The following TMEM181 variants were observed in gnomAD, a reference collection of about 807,000 sequenced individuals.
TMEM181 encodes the protein G protein-coupled receptor 178.
TMEM181 carries 39 observed loss-of-function variants against 71.9 expected under a neutral mutation model. That is an observed-to-expected ratio of 0.54 (90% CI 0.42 to 0.71). TMEM181 has a LOEUF of 0.71. TMEM181 is among the 30% of genes least tolerant of loss of function. The pLI, the probability that TMEM181 is intolerant of heterozygous loss-of-function variation, is 0.00. For synonymous variants in TMEM181, 245 were observed against 228.8 expected, an observed-to-expected ratio of 1.07 and a Z score of -0.64; for missense variants, 595 against 583.0, an observed-to-expected ratio of 1.02 and a Z score of -0.21.
intron 14 of TMEM181, 112 bp from the exon 15 acceptor site, chr6:158,629,618 C>T (rs1281181523): frequency 4.7e-6 from 4 of 856,910 alleles, no homozygotes; most frequent in African/African-American, 1.7e-5. Context: ...CGGGCACTGG[C>T]GGGTGCTTGG....
chr6:158,627,091 A>C, intron 13 of TMEM181, among the ~76,000 whole-genome samples: 1 of 100,958 alleles, frequency 9.9e-6, no homozygotes, highest in Non-Finnish European at 2.0e-5. Context: ...CCTCACCCTC[A>C]CCCTCGTTTT....
At chr6:158,600,132 T>C (rs1012473547) in intron 6 of TMEM181, among the ~76,000 whole-genome samples, 1 of 152,166 alleles carries the variant, frequency 6.6e-6, no homozygotes, top group Non-Finnish European at 1.5e-5. Context: ...ATGTTTTAGA[T>C]TAGCTACATT....
intron 6 of TMEM181, among the ~76,000 whole-genome samples, chr6:158,590,393 T>C (rs1243565484): frequency 6.6e-6 from 1 of 152,160 alleles, no homozygotes; most frequent in Non-Finnish European, 1.5e-5. Context: ...AAAACAGCTT[T>C]ATCAAAGTAG....
rs1003821009 is a variant in TMEM181 at position 158,620,968 on chromosome 6, G to A, written c.897-2582G>A. Reference sequence around the variant, plus strand: ...TCTTACGGGCTAAGAGTATTTAAGCGTTCAGGGTGGGAGAGCTTATCACAG... The same window carrying A: ...TCTTACGGGCTAAGAGTATTTAAGCATTCAGGGTGGGAGAGCTTATCACAG... On this transcript the variant is annotated intron_variant, in intron 10 of 16. Coordinates refer to ENST00000684151, the MANE Select transcript of TMEM181 (RefSeq NM_001376852.1). This position sits in a 1 kb window ranked among gnomAD's most constrained non-coding sequence, Gnocchi z 4.5. Among the ~76,000 whole-genome samples the A allele has an allele frequency of 1.7e-4, 26 of 152,238 alleles. No homozygotes were observed. The highest frequency in any genetic ancestry group is 3.2e-3 in the Middle Eastern group (1 of 316).
intron 1 of TMEM181, among the ~76,000 whole-genome samples, chr6:158,552,157 A>G (rs1781741098): frequency 6.6e-6 from 1 of 152,254 alleles, no homozygotes; most frequent in Admixed American, 6.5e-5. Context: ...TTTCCTGAGT[A>G]ATCAAAAATC....
intron 1 of TMEM181, chr6:158,536,973 T>A: frequency 1.4e-6 from 1 of 724,948 alleles, no homozygotes; most frequent in Non-Finnish European, 1.7e-6. Context: ...GACGGCCGCC[T>A]CCGCCGGCCG....
intron 2 of TMEM181, among the ~76,000 whole-genome samples, chr6:158,576,067 TG>T (rs1305680965): frequency 3.9e-5 from 6 of 152,224 alleles, no homozygotes; most frequent in Non-Finnish European, 8.8e-5. Context: ...TAGGAATCGA[TG>T]TCTTCTACTT....
intron 1 of TMEM181, among the ~76,000 whole-genome samples, chr6:158,566,041 G>A (rs546402840): frequency 5.9e-5 from 9 of 152,300 alleles, no homozygotes; most frequent in African/African-American, 1.7e-4. Flanking sequence ...GTGTGTACTG[G>A]TGGAGAACTT....
chr6:158,624,778 C>T (rs145045258), intron 11 of TMEM181, among the ~76,000 whole-genome samples: 521 of 152,322 alleles, frequency 3.4e-3, no homozygotes, highest in African/African-American at 0.012. Flanking sequence ...GCCAGCCCCT[C>T]GCCCCCAGGG....
chr6:158,614,987 C>CT (rs1785538301), intron 10 of TMEM181, among the ~76,000 whole-genome samples: 1 of 152,140 alleles, frequency 6.6e-6, no homozygotes, highest in Non-Finnish European at 1.5e-5. Context: ...ATTTGTCATC[C>CT]TTTGGGTATA....
intron 1 of TMEM181, 131 bp from the exon 2 acceptor site, chr6:158,573,289 C>T (rs1456336163): frequency 1.5e-6 from 1 of 653,432 alleles, no homozygotes; most frequent in African/African-American, 1.8e-5. Flanking sequence ...AGTGCAGGCC[C>T]ACTTCAGAAG....
At chr6:158,619,025 G>C (rs2128324906) in intron 10 of TMEM181, among the ~76,000 whole-genome samples, 1 of 152,266 alleles carries the variant, frequency 6.6e-6, no homozygotes, top group South Asian at 2.1e-4. Context: ...TCCTGAATTT[G>C]AATGCTGGCC....
chr6:158,588,684 G>A (rs1396465403), intron 5 of TMEM181, among the ~76,000 whole-genome samples: 1 of 152,214 alleles, frequency 6.6e-6, no homozygotes, highest in African/African-American at 2.4e-5. Context: ...CTAGCCTCAA[G>A]TGATCCGCCT....
At chr6:158,586,316 G>A (rs1160876269) in intron 5 of TMEM181, among the ~76,000 whole-genome samples, 1 of 152,176 alleles carries the variant, frequency 6.6e-6, no homozygotes, top group African/African-American at 2.4e-5. Context: ...CATCAAAACA[G>A]GGCAGTGCAT....
At chr6:158,599,040 C>CT (rs1199459054) in intron 6 of TMEM181, among the ~76,000 whole-genome samples, 1 of 152,210 alleles carries the variant, frequency 6.6e-6, no homozygotes, top group Non-Finnish European at 1.5e-5. Flanking sequence ...TTGCTTGGTG[C>CT]TGCACAGGTC....
intron 1 of TMEM181, among the ~76,000 whole-genome samples, chr6:158,570,543 G>A (rs1356206836): frequency 1.3e-5 from 2 of 151,316 alleles, no homozygotes; most frequent in East Asian, 3.9e-4. Flanking sequence ...GCCCGGCCCC[G>A]TACACTCTTC....
chr6:158,577,316 G>A (rs1224010637), intron 2 of TMEM181, among the ~76,000 whole-genome samples: 2 of 152,160 alleles, frequency 1.3e-5, no homozygotes, highest in African/African-American at 4.8e-5. Context: ...GAGATGAAAA[G>A]TACGCTAGAG....
At chr6:158,626,061 G>A (rs761637311) in intron 13 of TMEM181, among the ~76,000 whole-genome samples, 1 of 152,218 alleles carries the variant, frequency 6.6e-6, no homozygotes, top group Non-Finnish European at 1.5e-5. Flanking sequence ...TGGAAGTAAG[G>A]GCACTGGGGA....
chr6:158,600,543 C>G (rs1054070271), intron 6 of TMEM181, among the ~76,000 whole-genome samples: 7 of 142,060 alleles, frequency 4.9e-5, no homozygotes, highest in Non-Finnish European at 1.1e-4. Flanking sequence ...AATCTTGGCT[C>G]ACTGCAACCT....
Sources: gnomAD v4.1 joint callset for allele counts (sites outside exome capture counted in the v4.1 genomes callset) on GRCh38, gnomAD v4.1.1 for gene constraint, Gnocchi (gnomAD v3.1) non-coding constraint, MANE v1.5 for transcripts, NCBI Gene and HGNC (gene_info 2026-07-23, HGNC 2026-07-21) for gene names.